The following ANKFN1 variants were observed in gnomAD, a reference collection of about 807,000 sequenced individuals.
ANKFN1 encodes ankyrin repeat and fibronectin type-III domain-containing protein 1.
Under a neutral mutation model 108.7 loss-of-function variants are expected in ANKFN1, and 74 were observed. The ratio of observed to expected loss-of-function variants is 0.68; its 90% confidence interval spans 0.56 to 0.83. ANKFN1 has a LOEUF of 0.83. ANKFN1 is among the 40% of genes least tolerant of loss of function. The pLI, the probability that ANKFN1 is intolerant of heterozygous loss-of-function variation, is 0.00. For missense variants in ANKFN1, 1,505 were observed against 1,382.3 expected (o/e 1.09, Z -1.41); for synonymous variants, 547 against 516.2 (o/e 1.06, Z -0.81).
intron 1 of ANKFN1, among the ~76,000 whole-genome samples, chr17:56,162,662 T>G (rs1909771085): frequency 6.6e-6 from 1 of 152,216 alleles, no homozygotes; most frequent in Non-Finnish European, 1.5e-5. Context: ...AAATTTAGGC[T>G]GTAACTGCAT....
At chr17:56,209,084 A>G (rs540869119) in intron 1 of ANKFN1, among the ~76,000 whole-genome samples, 1 of 152,244 alleles carries the variant, frequency 6.6e-6, no homozygotes, top group African/African-American at 2.4e-5. Context: ...AGTCTCTAAA[A>G]TAACAACATT....
rs77177441 is a variant in ANKFN1, at chr17:56,154,316, G to T, written c.-71+786G>T. On this transcript the variant is annotated intron_variant, in intron 1 of 20. Transcript: ENST00000682825. Reference sequence around the variant, plus strand: ...GATACTAATAGGAGGAACTTATTCAGCTACTTCACTTCCCCTCAGGAGTTC... The same window carrying T: ...GATACTAATAGGAGGAACTTATTCATCTACTTCACTTCCCCTCAGGAGTTC... 7.9e-5 allele frequency among the ~76,000 whole-genome samples: 12 copies of T among 152,254 alleles called. No homozygotes were observed. In the East Asian group the frequency reaches 2.3e-3, roughly 29 times the overall value.
intron 3 of ANKFN1, among the ~76,000 whole-genome samples, chr17:56,292,541 G>T (rs1043391289): frequency 6.6e-6 from 1 of 152,114 alleles, no homozygotes; most frequent in African/African-American, 2.4e-5. Flanking sequence ...GTCCTACGAG[G>T]ACAGAGGCAC....
intron 4 of ANKFN1, among the ~76,000 whole-genome samples, chr17:56,095,107 A>G (rs918281392): frequency 6.6e-6 from 1 of 151,052 alleles, no homozygotes; most frequent in African/African-American, 2.4e-5. Flanking sequence ...CTGTGCAAGC[A>G]AAAGAATACA....
intron 11 of ANKFN1, among the ~76,000 whole-genome samples, chr17:56,450,270 G>GA (rs144443488): frequency 0.049 from 7,289 of 148,670 alleles, 401 homozygotes; most frequent in African/African-American, 0.14. Flanking sequence ...TTTTTTAAAA[G>GA]AAAAAAAAAA....
At chr17:56,290,100 C>T (rs1407192112) in intron 3 of ANKFN1, among the ~76,000 whole-genome samples, 2 of 152,014 alleles carry the variant, frequency 1.3e-5, no homozygotes, top group African/African-American at 4.8e-5. Flanking sequence ...TCCTTTCCAC[C>T]CTTCTAATTT....
intron 1 of ANKFN1, among the ~76,000 whole-genome samples, chr17:56,189,169 A>ATTTTTTTTTT (rs1912593021): frequency 3.7e-5 from 2 of 54,650 alleles, no homozygotes; most frequent in Non-Finnish European, 6.4e-5. Context: ...TGTTGCCCTG[A>ATTTTTTTTTT]CTTTTTTTTT....
Position 56,456,910 on chromosome 17 carries a change from C to T in ANKFN1, c.1257C>T (p.Ser419=). 1 of 1,614,084 alleles carries T rather than the reference C, an allele frequency of 6.2e-7. No individual in the cohort carries two copies. The highest frequency in any genetic ancestry group is 8.5e-7 in the Non-Finnish European group (1 of 1,180,010). ...TTGRKQSVSR[S]LKHLFHSSNK... ...GCCGCAAGCAGTCAGTCTCAAGAAG[C>T]CTGAAACACCTGTTCCATTCCTCGA... The change falls in exon 12 of 21, where the codon AGC becomes AGT. Residue 419 remains serine (S), a synonymous_variant. Coordinates refer to ENST00000682825, the MANE Select transcript of ANKFN1 (RefSeq NM_001370326.1).
At chr17:56,458,372 A>G (rs1324557426) in intron 14 of ANKFN1, among the ~76,000 whole-genome samples, 2 of 152,122 alleles carry the variant, frequency 1.3e-5, no homozygotes, top group Non-Finnish European at 2.9e-5. Flanking sequence ...CTGCCGTCCT[A>G]TGCATTAATG....
chr17:56,290,869 C>T (rs1314270640), intron 3 of ANKFN1, among the ~76,000 whole-genome samples: 1 of 152,058 alleles, frequency 6.6e-6, no homozygotes, highest in African/African-American at 2.4e-5. Flanking sequence ...CATTTCCTCC[C>T]CTCCTCTGAA....
At chr17:56,310,442 C>A (rs1246586800) in intron 3 of ANKFN1, among the ~76,000 whole-genome samples, 1 of 151,886 alleles carries the variant, frequency 6.6e-6, no homozygotes, top group Non-Finnish European at 1.5e-5. Context: ...GTGGTGAAAC[C>A]CCATCTCCAC....
intron 4 of ANKFN1, among the ~76,000 whole-genome samples, chr17:56,064,128 G>C (rs1598086317): frequency 1.3e-5 from 2 of 152,192 alleles, no homozygotes; most frequent in East Asian, 3.9e-4. Flanking sequence ...CCTTCTTCTG[G>C]GATCTCTGAC....
At chr17:56,283,175 C>A (rs2044129276) in intron 3 of ANKFN1, among the ~76,000 whole-genome samples, 1 of 152,160 alleles carries the variant, frequency 6.6e-6, no homozygotes, top group Non-Finnish European at 1.5e-5. Context: ...GTGTTTAGCT[C>A]CCACTTATAA....
chr17:56,147,977 C>T (rs900610857), intron 4 of ANKFN1, among the ~76,000 whole-genome samples: 3 of 152,182 alleles, frequency 2.0e-5, no homozygotes, highest in African/African-American at 7.2e-5. Flanking sequence ...ATTGAATCTT[C>T]ATAAGTGCTC....
chr17:56,081,360 T>C (rs1905243941), intron 4 of ANKFN1, among the ~76,000 whole-genome samples: 1 of 152,138 alleles, frequency 6.6e-6, no homozygotes, highest in East Asian at 1.9e-4. Flanking sequence ...ATTTATTATT[T>C]TTATTTTTTT....
intron 8 of ANKFN1, among the ~76,000 whole-genome samples, chr17:56,430,167 G>T (rs553096378): frequency 1.8e-4 from 27 of 152,104 alleles, no homozygotes; most frequent in Non-Finnish European, 3.8e-4. Context: ...CATGTCATTT[G>T]CCTCTCCATA....
intron 3 of ANKFN1, among the ~76,000 whole-genome samples, chr17:56,290,800 T>C (rs576903836): frequency 9.9e-5 from 15 of 152,278 alleles, no homozygotes; most frequent in Non-Finnish European, 2.2e-4. Flanking sequence ...TTTTATTGAT[T>C]TGCAGATGTT....
chr17:56,498,173 T>G (rs144618657), intron 19 of ANKFN1, among the ~76,000 whole-genome samples: 11 of 152,286 alleles, frequency 7.2e-5, no homozygotes, highest in African/African-American at 2.2e-4. Flanking sequence ...AAGATTAAAC[T>G]GTTAAGGCCG....
chr17:56,295,706 A>AT (rs1415337627), intron 3 of ANKFN1, among the ~76,000 whole-genome samples: 7 of 152,134 alleles, frequency 4.6e-5, no homozygotes, highest in African/African-American at 2.4e-5. Flanking sequence ...TTAAACAGGA[A>AT]TTTTTTCTCA....
Sources: allele counts gnomAD v4.1 joint callset (sites outside exome capture counted in the v4.1 genomes callset), GRCh38; gene constraint gnomAD v4.1.1; transcripts MANE v1.5; gene names NCBI Gene and HGNC (gene_info 2026-07-23, HGNC 2026-07-21).